REV3L: variants seen among roughly 807,000 people sequenced by gnomAD.
REV3L encodes the protein REV3 like, DNA directed polymerase zeta catalytic subunit.
A neutral mutation model predicts 299.4 loss-of-function variants in REV3L; 69 were observed. The ratio of observed to expected loss-of-function variants is 0.23; its 90% CI spans 0.19 to 0.28. The LOEUF (loss-of-function observed/expected upper bound fraction) is 0.28, where lower values mean the gene tolerates loss of function less well. REV3L is among the 10% of genes least tolerant of loss of function. REV3L has a pLI of 1.00. For synonymous variants in REV3L, 1,238 were observed against 1,271.4 expected, an observed-to-expected ratio of 0.97 and a Z score of 0.56; for missense variants, 3,128 against 3,693.8, an observed-to-expected ratio of 0.85 and a Z score of 3.97.
intron 20 of REV3L, 51 bp from the exon 21 acceptor site, chr6:111,344,094 A>C: frequency 7.7e-7 from 1 of 1,293,328 alleles, no homozygotes. Flanking sequence ...TTTATGTAGC[A>C]AATTTGGTTC....
intron 4 of REV3L, among the ~76,000 whole-genome samples, chr6:111,401,184 G>T (rs1369395613): frequency 6.6e-6 from 1 of 152,132 alleles, no homozygotes; most frequent in Non-Finnish European, 1.5e-5. Flanking sequence ...TCGAAAGTGG[G>T]TAATGAACTC....
chr6:111,302,117 A>C (rs148587678), intron 31 of REV3L, among the ~76,000 whole-genome samples: 1 of 152,212 alleles, frequency 6.6e-6, no homozygotes, highest in Non-Finnish European at 1.5e-5. Context: ...CGAAGGGCAC[A>C]CTTTTTCTAA....
At chr6:111,451,386 G>A (rs555798697) in intron 1 of REV3L, among the ~76,000 whole-genome samples, 8 of 152,218 alleles carry the variant, frequency 5.3e-5, no homozygotes, top group African/African-American at 1.4e-4. Flanking sequence ...AATCCTCTCA[G>A]ATCTGATTCA....
Position 111,483,077 on chromosome 6 carries a change from G to T in REV3L, c.-189C>A. 1.6e-6 allele frequency: 1 copy of T among 641,414 alleles called. No individual in the cohort carries two copies. The highest frequency in any genetic ancestry group is 2.4e-6 in the Non-Finnish European group (1 of 420,500). The allele number at this position is 641,414 out of a possible 1,614,324, so 39.7% of individuals were successfully genotyped here. ...GGCGCTGCTGCCGCCGCCTCCTCAG[G>T]AGCACCCGGCAAGGGGCCGCAGGAG... On this transcript the variant is annotated 5_prime_UTR_variant, in exon 1 of 32. Transcript: ENST00000368802.
Position 111,432,514 on chromosome 6 carries a change from A to T in REV3L, c.140-16042T>A, listed in dbSNP as rs75041895. Among the ~76,000 whole-genome samples, 253 of 152,316 alleles carry T rather than the reference A, an allele frequency of 1.7e-3. 2 individuals carry two copies. The East Asian group carries it at 0.044, about 27-fold the overall frequency. ...TCAGCAAGAGGATATAACAATTATA[A>T]ATATCTATGCATGCAACACCAGAGC... On this transcript the variant is annotated intron_variant, in intron 1 of 31. Coordinates refer to ENST00000368802, the MANE Select transcript of REV3L (RefSeq NM_001372078.1).
At position 111,376,623 on chromosome 6, in the gene REV3L, G is replaced by C. The variant is rs761748173; in HGVS notation, c.1732C>G (p.Gln578Glu). 6.2e-7 allele frequency: 1 copy of C among 1,613,276 alleles called. No individual in the cohort carries two copies. The highest frequency in any genetic ancestry group is 8.5e-7 in the Non-Finnish European group (1 of 1,179,872). ...GAAAGGGCACTTGTGTGTTTACACT[G>C]AAAGGTAATCTTAGCAGAAGATGAG... Reference protein sequence around the residue: ...EPSSSAKITFQCKHTSALSSH... With the variant: ...EPSSSAKITFECKHTSALSSH... The change falls in exon 13 of 32, where the codon CAG (glutamine) becomes GAG (glutamate). Residue 578 changes from glutamine (Q) to glutamate (E), a missense_variant. Transcript: ENST00000368802.
At chr6:111,442,440 GC>G (rs2128308890) in intron 1 of REV3L, among the ~76,000 whole-genome samples, 1 of 152,078 alleles carries the variant, frequency 6.6e-6, no homozygotes, top group Admixed American at 6.5e-5. Flanking sequence ...AGTCTACTTT[GC>G]CTGATCTTTA....
chr6:111,382,589 C>G (rs1282925421), intron 9 of REV3L, among the ~76,000 whole-genome samples: 2 of 152,204 alleles, frequency 1.3e-5, no homozygotes, highest in Non-Finnish European at 2.9e-5. Flanking sequence ...AGTCCAGAAC[C>G]TGAGTTGCAG....
In REV3L at chr6:111,372,839, A is replaced by C. The variant is rs1193952228; in HGVS notation, c.5516T>G (p.Leu1839Arg). The change falls in exon 13 of 32, where the codon CTG (leucine) becomes CGG (arginine). Residue 1839 changes from leucine (L) to arginine (R), a missense_variant. Coordinates refer to ENST00000368802, the MANE Select transcript of REV3L (RefSeq NM_001372078.1). ...CATATCATTGTTTCTTGAAACATACAGTTCTAAATCTTCACAGGCCACGTC... is the reference window on the plus strand; with the variant it reads ...CATATCATTGTTTCTTGAAACATACCGTTCTAAATCTTCACAGGCCACGTC... ...LVDVACEDLELYVSRNNDMLT... is the reference protein window; with the variant it reads ...LVDVACEDLERYVSRNNDMLT... The C allele has an allele frequency of 1.9e-6, 3 of 1,614,048 alleles. No individual in the cohort carries two copies. In the South Asian group the frequency reaches 3.3e-5, roughly 18 times the overall value.
chr6:111,368,269 A>AT (rs1160043836), intron 13 of REV3L, among the ~76,000 whole-genome samples: 1 of 152,114 alleles, frequency 6.6e-6, no homozygotes, highest in Non-Finnish European at 1.5e-5. Flanking sequence ...GAGAGAAGGT[A>AT]TTTTTTGTTT....
chr6:111,465,240 C>T (rs1234912892), intron 1 of REV3L, among the ~76,000 whole-genome samples: 1 of 150,926 alleles, frequency 6.6e-6, no homozygotes, highest in African/African-American at 2.4e-5. Flanking sequence ...ACCATCACGC[C>T]CAGCTAATTT....
At chr6:111,474,537 A>C (rs1329096946) in intron 1 of REV3L, among the ~76,000 whole-genome samples, 1 of 152,230 alleles carries the variant, frequency 6.6e-6, no homozygotes, top group Non-Finnish European at 1.5e-5. Flanking sequence ...AAATATCAAA[A>C]GGAGCAGTAT....
intron 1 of REV3L, among the ~76,000 whole-genome samples, chr6:111,467,144 G>A (rs1309733038): frequency 1.3e-5 from 2 of 152,144 alleles, no homozygotes; most frequent in Non-Finnish European, 2.9e-5. Context: ...GAAAGGGTTC[G>A]ACAACTTTAA....
chr6:111,461,940 A>G (rs1583077156), intron 1 of REV3L, among the ~76,000 whole-genome samples: 1 of 152,306 alleles, frequency 6.6e-6, no homozygotes, highest in East Asian at 1.9e-4. Context: ...AACAATCTAA[A>G]CACACTAAAT....
At position 111,420,124 on chromosome 6, in the gene REV3L, C is replaced by T. The variant is rs564686445; in HGVS notation, c.140-3652G>A. ...CCTTCCAAAGTGCTGGGATTACAGG[C>T]GTGAGCCACCGCGCCCGGCCATTTT... is the stretch of plus-strand genomic sequence containing the variant. On this transcript the variant is annotated intron_variant, in intron 1 of 31. Transcript: ENST00000368802. Among the ~76,000 whole-genome samples, 33 of 152,248 alleles carry T rather than the reference C, an allele frequency of 2.2e-4. No homozygotes were observed. The East Asian group carries it at 6.0e-3, about 28-fold the overall frequency.
intron 16 of REV3L, among the ~76,000 whole-genome samples, chr6:111,360,382 T>C (rs1447808341): frequency 6.6e-6 from 1 of 152,112 alleles, no homozygotes; most frequent in Admixed American, 6.5e-5. Context: ...GAGGGAAGCT[T>C]ACTTTTCATT....
intron 20 of REV3L, among the ~76,000 whole-genome samples, chr6:111,347,662 C>G (rs929693235): frequency 6.6e-6 from 1 of 152,064 alleles, no homozygotes; most frequent in Admixed American, 6.5e-5. Context: ...TAAGAATAGA[C>G]CAATTTATAG....
chr6:111,309,723 A>C lies in REV3L; in HGVS notation c.9042+130T>G, dbSNP rs968238959. ...CACTTCCCCTCCCGCTTTCCGTATC[A>C]TTTTACGGGACCACACTCTTCCCTT... On this transcript the variant is annotated intron_variant, in intron 30 of 31. Transcript: ENST00000368802. The C allele has an allele frequency of 8.9e-6, 9 of 1,014,192 alleles. No homozygotes were observed. In the African/African-American group the frequency reaches 1.3e-4, roughly 15 times the overall value. The allele number at this position is 1,014,192 out of a possible 1,614,324, so 62.8% of individuals were successfully genotyped here. A position where few individuals can be genotyped will look rare whatever the true frequency, so the allele number is the denominator to read the frequency against.
At chr6:111,317,161 T>C (rs778780172) in intron 26 of REV3L, among the ~76,000 whole-genome samples, 6 of 152,218 alleles carry the variant, frequency 3.9e-5, no homozygotes, top group Admixed American at 6.5e-5. Flanking sequence ...ACCAATCTCA[T>C]ATTTCTGAAG....
Sources: gnomAD v4.1 joint callset for allele counts (sites outside exome capture counted in the v4.1 genomes callset) on GRCh38, gnomAD v4.1.1 for gene constraint, MANE v1.5 for transcripts, NCBI Gene and HGNC (gene_info 2026-07-23, HGNC 2026-07-21) for gene names.